The following DMD variants were observed in gnomAD, a reference collection of about 807,000 sequenced individuals.
DMD encodes the protein mutant dystrophin.
A neutral mutation model predicts 330.1 loss-of-function variants in DMD; 63 were observed. The ratio of observed to expected loss-of-function variants is 0.19; its 90% CI spans 0.16 to 0.24. The LOEUF (loss-of-function observed/expected upper bound fraction) is 0.24, where lower values mean the gene tolerates loss of function less well. Among genes scored for constraint, DMD ranks in the 10% least tolerant of loss-of-function variants. DMD has a pLI of 1.00. For synonymous variants in DMD, 1,223 were observed against 959.8 expected, an observed-to-expected ratio of 1.27 and a Z score of -5.07; for missense variants, 3,344 against 2,684.1, an observed-to-expected ratio of 1.25 and a Z score of -5.43.
At chrX:31,628,193 T>C (rs1239182264) in intron 54 of DMD, among the ~76,000 whole-genome samples, 3 of 111,153 alleles carry the variant, frequency 2.7e-5, no homozygotes. Flanking sequence ...CAAAGTACCT[T>C]TTTTTCAATT....
chrX:31,648,253 A>G (rs1394742718), intron 54 of DMD, among the ~76,000 whole-genome samples: 2 of 111,681 alleles, frequency 1.8e-5, no homozygotes, highest in African/African-American at 3.3e-5. Flanking sequence ...AGTTTCTACA[A>G]TAAGAATCAC....
intron 2 of DMD, among the ~76,000 whole-genome samples, chrX:32,886,676 C>T (rs762508535): frequency 1.4e-4 from 15 of 110,555 alleles, no homozygotes; most frequent in African/African-American, 4.9e-4. Flanking sequence ...GAGCAAGACT[C>T]CGTCTCAAAA....
chrX:33,245,590 A>C (rs1472882599), intron 1 of DMD, among the ~76,000 whole-genome samples: 1 of 112,222 alleles, frequency 8.9e-6, no homozygotes, highest in Non-Finnish European at 1.9e-5. Flanking sequence ...TATGGGCCTC[A>C]GTCTAGAGAA....
chrX:33,092,197 G>C (rs769907324), intron 1 of DMD, among the ~76,000 whole-genome samples: 2 of 111,624 alleles, frequency 1.8e-5, no homozygotes, highest in Admixed American at 1.9e-4. Flanking sequence ...ACACAGAGCA[G>C]CCATGAATAT....
At chrX:32,741,240 A>G (rs1026106906) in intron 7 of DMD, among the ~76,000 whole-genome samples, 27 of 111,629 alleles carry the variant, frequency 2.4e-4, no homozygotes, top group African/African-American at 8.8e-4. Flanking sequence ...GATGTGATAA[A>G]GAATCATGAC....
intron 13 of DMD, among the ~76,000 whole-genome samples, chrX:32,581,426 T>A (rs2053643537): frequency 8.9e-6 from 1 of 111,953 alleles, no homozygotes; most frequent in African/African-American, 3.3e-5. Context: ...TTAGAAATTC[T>A]TAGTTCATGT....
At position 32,537,796 on chromosome X, in the gene DMD, A is replaced by T. The variant is rs768293494; in HGVS notation, c.2168+7363T>A. 3.6e-4 allele frequency among the ~76,000 whole-genome samples: 40 copies of T among 112,412 alleles called. No individual in the cohort carries two copies. The South Asian group carries it at 0.012, about 35-fold the overall frequency. On this transcript the variant is annotated intron_variant, in intron 17 of 78. Coordinates refer to ENST00000357033, the MANE Select transcript of DMD (RefSeq NM_004006.3). ...ACCATTTTCTTCACTCAAAAAACGAACAAAATTATATGTAACAGCTCTGGG... is the reference window on the plus strand; with the variant it reads ...ACCATTTTCTTCACTCAAAAAACGATCAAAATTATATGTAACAGCTCTGGG...
chrX:31,394,938 T>TGAGAGAGAGAGA (rs757803694), intron 60 of DMD, among the ~76,000 whole-genome samples: 3,457 of 86,760 alleles, frequency 0.04, 170 homozygotes, highest in African/African-American at 0.068. Flanking sequence ...GAGAGAAGGG[T>TGAGAGAGAGAGA]GAGAGAGAGA....
chrX:31,598,131 G>C (rs1207416820), intron 55 of DMD, among the ~76,000 whole-genome samples: 2 of 108,465 alleles, frequency 1.8e-5, no homozygotes, highest in African/African-American at 3.4e-5. Flanking sequence ...AATTGAGAGA[G>C]AGAGGGTCTC....
At chrX:32,765,850 G>A (rs2072918840) in intron 7 of DMD, among the ~76,000 whole-genome samples, 1 of 111,584 alleles carries the variant, frequency 9.0e-6, no homozygotes, top group African/African-American at 3.3e-5. Flanking sequence ...TTTTGGCCAC[G>A]TTTACTTCCT....
upstream of DMD, among the ~76,000 whole-genome samples, chrX:33,215,239 C>A (rs183563490): frequency 9.3e-6 from 1 of 107,245 alleles, no homozygotes; most frequent in Non-Finnish European, 1.9e-5. Context: ...GCTGGAGAAT[C>A]GCTTGAGCAG....
intron 1 of DMD, chrX:33,041,336 G>C: frequency 8.8e-7 from 1 of 1,135,316 alleles, no homozygotes; most frequent in Non-Finnish European, 1.2e-6. Flanking sequence ...GCCTCTGCGC[G>C]TCGCCCTCCA....
intron 17 of DMD, among the ~76,000 whole-genome samples, chrX:32,536,551 A>G (rs903701692): frequency 2.7e-5 from 3 of 112,248 alleles, no homozygotes; most frequent in Admixed American, 1.9e-4. Flanking sequence ...ACTGTTTGCT[A>G]TTAGTCTGTA....
At chrX:32,783,325 A>G (rs940463255) in intron 7 of DMD, among the ~76,000 whole-genome samples, 1 of 102,686 alleles carries the variant, frequency 9.7e-6, no homozygotes, top group Non-Finnish European at 2.0e-5. Context: ...GTATATATAT[A>G]CACACATATA....
intron 7 of DMD, among the ~76,000 whole-genome samples, chrX:32,789,999 C>G (rs779462164): frequency 9.0e-6 from 1 of 111,512 alleles, no homozygotes; most frequent in African/African-American, 3.3e-5. Flanking sequence ...ATATAAAATT[C>G]CTAATAATTT....
At chrX:32,178,982 C>CTCTA (rs2096917735) in intron 44 of DMD, among the ~76,000 whole-genome samples, 1 of 102,670 alleles carries the variant, frequency 9.7e-6, no homozygotes, top group African/African-American at 3.6e-5. Context: ...CTCTCTCTCT[C>CTCTA]CCTCTCCTCC....
chrX:32,832,088 T>G (rs890770406), intron 4 of DMD, among the ~76,000 whole-genome samples: 3 of 111,213 alleles, frequency 2.7e-5, no homozygotes, highest in Admixed American at 9.6e-5. Flanking sequence ...GAGTTTGATA[T>G]TTGTCCTAAG....
chrX:31,188,136 C>T (rs190752540), intron 67 of DMD, among the ~76,000 whole-genome samples: 5 of 112,272 alleles, frequency 4.5e-5, no homozygotes, highest in South Asian at 3.7e-4. Context: ...TGCTCACCTA[C>T]GCCAACTGAC....
chrX:32,369,292 A>G (rs1157204878), intron 34 of DMD, among the ~76,000 whole-genome samples: 2 of 111,553 alleles, frequency 1.8e-5, no homozygotes, highest in Non-Finnish European at 3.8e-5. Context: ...GAATGAGTAT[A>G]ATGAGTTAAT....
Sources: gnomAD v4.1 joint callset for allele counts (sites outside exome capture counted in the v4.1 genomes callset) on GRCh38, gnomAD v4.1.1 for gene constraint, MANE v1.5 for transcripts, NCBI Gene and HGNC (gene_info 2026-07-23, HGNC 2026-07-21) for gene names.